The following LRRC4C variants were observed in gnomAD, a reference collection of about 807,000 sequenced individuals.
The protein encoded by LRRC4C is leucine-rich repeat-containing protein 4C.
LRRC4C carries 5 observed loss-of-function variants against 33.6 expected under a neutral mutation model. That is an observed-to-expected ratio of 0.15 (90% confidence interval 0.08 to 0.31). The LOEUF (loss-of-function observed/expected upper bound fraction) is 0.31, where lower values mean the gene tolerates loss of function less well. Ranked by LOEUF, LRRC4C falls within the 10% of genes least tolerant of loss-of-function variation. LRRC4C has a pLI of 1.00. For synonymous variants in LRRC4C, 329 were observed against 302.0 expected, an observed-to-expected ratio of 1.09 and a Z score of -0.93; for missense variants, 560 against 796.7, an observed-to-expected ratio of 0.70 and a Z score of 3.58.
At chr11:40,431,452 A>AT (rs1235733259) in intron 3 of LRRC4C, among the ~76,000 whole-genome samples, 1 of 150,804 alleles carries the variant, frequency 6.6e-6, no homozygotes, top group Non-Finnish European at 1.5e-5. Flanking sequence ...AGGTTTGTCC[A>AT]TTTTGCCTTG....
intron 1 of LRRC4C, among the ~76,000 whole-genome samples, chr11:41,158,291 C>T (rs1472444323): frequency 6.6e-6 from 1 of 152,112 alleles, no homozygotes. Flanking sequence ...TTACAGGTTA[C>T]ACCACATCAT....
At chr11:40,395,534 T>G (rs112133378) in intron 3 of LRRC4C, among the ~76,000 whole-genome samples, 5 of 152,272 alleles carry the variant, frequency 3.3e-5, no homozygotes, top group African/African-American at 1.2e-4. Flanking sequence ...ATGGATTAGA[T>G]ATCAAAGAAC....
At chr11:41,045,771 T>C (rs574809772) in intron 1 of LRRC4C, among the ~76,000 whole-genome samples, 20 of 152,044 alleles carry the variant, frequency 1.3e-4, no homozygotes, top group Non-Finnish European at 2.5e-4. Context: ...CCTATCTCAG[T>C]GAGAGGTGAG....
chr11:40,524,834 G>A (rs563370455), intron 3 of LRRC4C, among the ~76,000 whole-genome samples: 9 of 152,212 alleles, frequency 5.9e-5, no homozygotes, highest in African/African-American at 1.9e-4. Flanking sequence ...TTTGGAGCTC[G>A]CATAGGCATA....
intron 1 of LRRC4C, among the ~76,000 whole-genome samples, chr11:41,036,556 G>T (rs1431156323): frequency 4.6e-5 from 7 of 152,088 alleles, no homozygotes; most frequent in Non-Finnish European, 1.0e-4. Flanking sequence ...CCTTCTGGTG[G>T]AAAAAGAAGT....
intron 2 of LRRC4C, among the ~76,000 whole-genome samples, chr11:40,758,299 T>C (rs983312031): frequency 6.6e-6 from 1 of 151,958 alleles, no homozygotes; most frequent in Non-Finnish European, 1.5e-5. Flanking sequence ...TGACTCTGAG[T>C]CTTTGGGATT....
intron 3 of LRRC4C, among the ~76,000 whole-genome samples, chr11:40,435,900 CTT>C (rs767545543): frequency 2.6e-5 from 4 of 152,116 alleles, no homozygotes; most frequent in Non-Finnish European, 5.9e-5. Context: ...TTATTCTTAT[CTT>C]TCTGTGCTCC....
At chr11:40,838,137 C>T (rs534174914) in intron 2 of LRRC4C, among the ~76,000 whole-genome samples, 3 of 152,194 alleles carry the variant, frequency 2.0e-5, no homozygotes, top group Non-Finnish European at 4.4e-5. Context: ...TCCAGGTGAA[C>T]TGAAAACTCT....
chr11:41,022,001 A>G (rs1052025705), intron 1 of LRRC4C, among the ~76,000 whole-genome samples: 8 of 151,888 alleles, frequency 5.3e-5, no homozygotes, highest in African/African-American at 1.9e-4. Flanking sequence ...GTGCTAGTAC[A>G]GTGCTGAGTA....
At chr11:40,301,352 A>C (rs1279713619) in intron 4 of LRRC4C, among the ~76,000 whole-genome samples, 1 of 152,190 alleles carries the variant, frequency 6.6e-6, no homozygotes, top group Non-Finnish European at 1.5e-5. Flanking sequence ...CATAGATACT[A>C]TGTGGTAGTA....
chr11:41,085,382 A>G (rs1048383196), intron 1 of LRRC4C, among the ~76,000 whole-genome samples: 2 of 152,184 alleles, frequency 1.3e-5, no homozygotes, highest in African/African-American at 4.8e-5. Flanking sequence ...AAACAAGTAT[A>G]TCTCTCTTAA....
At chr11:40,859,158 C>T (rs756759984) in intron 2 of LRRC4C, among the ~76,000 whole-genome samples, 30 of 152,078 alleles carry the variant, frequency 2.0e-4, no homozygotes, top group Middle Eastern at 3.2e-3. Context: ...CATGGTGTAT[C>T]AGTAATATAG....
At chr11:40,978,484 G>A (rs1026200075) in intron 1 of LRRC4C, among the ~76,000 whole-genome samples, 3 of 152,140 alleles carry the variant, frequency 2.0e-5, no homozygotes, top group African/African-American at 7.2e-5. Flanking sequence ...AGTAGGTAGA[G>A]ACCAGGGATA....
intron 4 of LRRC4C, among the ~76,000 whole-genome samples, chr11:40,315,613 A>AGTTTTT (rs1945537868): frequency 6.6e-6 from 1 of 151,960 alleles, no homozygotes; most frequent in African/African-American, 2.4e-5. Context: ...AAACTATATA[A>AGTTTTT]CACAGTCTAT....
chr11:40,917,015 T>C (rs1029776726), intron 2 of LRRC4C, among the ~76,000 whole-genome samples: 4 of 152,172 alleles, frequency 2.6e-5, no homozygotes, highest in African/African-American at 9.7e-5. Flanking sequence ...TTCATACACT[T>C]ACATATAGTA....
intron 4 of LRRC4C, among the ~76,000 whole-genome samples, chr11:40,261,116 A>C (rs1404957928): frequency 1.3e-5 from 2 of 152,000 alleles, no homozygotes; most frequent in Non-Finnish European, 2.9e-5. Flanking sequence ...CCTGACCTCA[A>C]GTGATCTTCC....
chr11:40,712,367 C>T (rs1457247604), intron 2 of LRRC4C, among the ~76,000 whole-genome samples: 1 of 152,038 alleles, frequency 6.6e-6, no homozygotes. Context: ...CTAACACATC[C>T]CATAGCTAAC....
At chr11:40,491,348 A>G (rs1954142425) in intron 3 of LRRC4C, among the ~76,000 whole-genome samples, 1 of 151,880 alleles carries the variant, frequency 6.6e-6, no homozygotes, top group African/African-American at 2.4e-5. Flanking sequence ...GTGTAACAAC[A>G]AATTTAGCAG....
chr11:41,232,981 A>T (rs1390159055), intron 1 of LRRC4C, among the ~76,000 whole-genome samples: 2 of 152,114 alleles, frequency 1.3e-5, no homozygotes, highest in Non-Finnish European at 2.9e-5. Context: ...CCTTAAGGAA[A>T]TATAACCTCC....
Sources: gnomAD v4.1 joint callset for allele counts (sites outside exome capture counted in the v4.1 genomes callset) on GRCh38, gnomAD v4.1.1 for gene constraint, MANE v1.5 for transcripts, NCBI Gene and HGNC (gene_info 2026-07-23, HGNC 2026-07-21) for gene names.